PLCB1: variants seen among roughly 807,000 people sequenced by gnomAD.
The protein encoded by PLCB1 is 1-phosphatidylinositol 4,5-bisphosphate phosphodiesterase beta-1.
PLCB1 carries 46 observed loss-of-function variants against 161.8 expected under a neutral mutation model. The ratio of observed to expected loss-of-function variants is 0.28; its 90% confidence interval spans 0.22 to 0.36. PLCB1 has a LOEUF of 0.36. PLCB1 is among the 10% of genes least tolerant of loss of function. The pLI, the probability that PLCB1 is intolerant of heterozygous loss-of-function variation, is 1.00. For missense variants in PLCB1, 1,016 were observed against 1,472.5 expected (o/e 0.69, Z 5.07); for synonymous variants, 517 against 503.7 (o/e 1.03, Z -0.35).
rs1568564132 is a variant in PLCB1 at position 8,132,623 on chromosome 20, C to CG, written c.-26dup. On this transcript the variant is annotated 5_prime_UTR_variant, in exon 1 of 32. Transcript: ENST00000338037. The surrounding 1 kb of genome is among the most constrained non-coding windows in gnomAD (Gnocchi z 5.2). The stretch of plus-strand genomic sequence containing the variant: ...GTCCCCAGTCCCTGCCGCGCTCGCC[C>CG]GGGCCGCCCGGAGCCCAGATGAGCC... 3 of 1,550,316 alleles carry CG rather than the reference C, an allele frequency of 1.9e-6. No homozygotes were observed. In the South Asian group the frequency reaches 3.4e-5, roughly 18 times the overall value.
At position 8,405,999 on chromosome 20, in the gene PLCB1, G is replaced by T. The variant is rs577117379; in HGVS notation, c.246+34549G>T. On this transcript the variant is annotated intron_variant, in intron 3 of 31. Coordinates refer to ENST00000338037, the MANE Select transcript of PLCB1 (RefSeq NM_015192.4). ...ATAAATTGACAAACACTACTAATTA[G>T]GGCTTTTTTTCTTCCTTTTTTTTTT... Among the ~76,000 whole-genome samples the T allele has an allele frequency of 8.0e-5, 12 of 150,916 alleles. No homozygotes were observed. In the South Asian group the frequency reaches 2.5e-3, roughly 31 times the overall value.
intron 2 of PLCB1, among the ~76,000 whole-genome samples, chr20:8,272,040 C>T (rs1982311490): frequency 6.6e-6 from 1 of 152,060 alleles, no homozygotes; most frequent in Non-Finnish European, 1.5e-5. Flanking sequence ...TTATGCATAG[C>T]ATCACTTAGG....
intron 3 of PLCB1, among the ~76,000 whole-genome samples, chr20:8,500,688 C>T (rs1983368916): frequency 6.6e-6 from 1 of 152,094 alleles, no homozygotes; most frequent in African/African-American, 2.4e-5. Flanking sequence ...ATTTACCAAA[C>T]TCTTTCTTCT....
In PLCB1 at chr20:8,882,620, G is replaced by A. The variant is rs1988035780; in HGVS notation, c.*771G>A. On this transcript the variant is annotated 3_prime_UTR_variant, in exon 32 of 32. Coordinates refer to ENST00000338037, the MANE Select transcript of PLCB1 (RefSeq NM_015192.4). ...ATTGACTATTTGCACTCAAAGTCTG[G>A]GTATTCATTGGTTATTGGCCTGAAA... is the stretch of plus-strand genomic sequence containing the variant. The A allele has an allele frequency of 6.6e-6, 1 of 152,518 alleles. No individual in the cohort carries two copies. The highest frequency in any genetic ancestry group is 6.5e-5 in the Admixed American group (1 of 15,276). The allele number at this position is 152,518 out of a possible 1,614,324, so 9.4% of individuals were successfully genotyped here.
At chr20:8,438,559 G>T (rs1267624331) in intron 3 of PLCB1, among the ~76,000 whole-genome samples, 1 of 152,110 alleles carries the variant, frequency 6.6e-6, no homozygotes, top group African/African-American at 2.4e-5. Flanking sequence ...CTCTTACATG[G>T]CTCTTACAAC....
chr20:8,198,581 T>A (rs1171891633), intron 2 of PLCB1, among the ~76,000 whole-genome samples: 5 of 152,120 alleles, frequency 3.3e-5, no homozygotes, highest in Non-Finnish European at 5.9e-5. Context: ...GATCTTTTTT[T>A]AAAATAATCT....
intron 24 of PLCB1, among the ~76,000 whole-genome samples, chr20:8,759,816 T>A (rs1369671250): frequency 2.0e-5 from 3 of 152,044 alleles, no homozygotes; most frequent in Non-Finnish European, 2.9e-5. Context: ...AAGATGGCGA[T>A]AGCATTGCCT....
At chr20:8,348,839 G>A (rs1346907117) in intron 2 of PLCB1, among the ~76,000 whole-genome samples, 1 of 152,100 alleles carries the variant, frequency 6.6e-6, no homozygotes, top group African/African-American at 2.4e-5. Flanking sequence ...TGAAACTAGA[G>A]CAATGTCTTT....
At chr20:8,791,276 C>T (rs1188171957) in intron 31 of PLCB1, among the ~76,000 whole-genome samples, 2 of 152,148 alleles carry the variant, frequency 1.3e-5, no homozygotes, top group Admixed American at 6.6e-5. Context: ...TTACGTTTCT[C>T]CTATAAACAT....
intron 14 of PLCB1, among the ~76,000 whole-genome samples, chr20:8,719,326 T>C (rs903107399): frequency 6.6e-6 from 1 of 152,176 alleles, no homozygotes; most frequent in Admixed American, 6.5e-5. Flanking sequence ...TTGCTAAAGA[T>C]GTGTATTTAG....
intron 2 of PLCB1, among the ~76,000 whole-genome samples, chr20:8,221,403 G>A (rs1015326508): frequency 6.6e-6 from 1 of 152,076 alleles, no homozygotes; most frequent in African/African-American, 2.4e-5. Flanking sequence ...TTAAGTAACT[G>A]CAACTTTTGG....
chr20:8,627,830 C>G (rs1174265000), intron 3 of PLCB1, among the ~76,000 whole-genome samples: 1 of 152,240 alleles, frequency 6.6e-6, no homozygotes, highest in Non-Finnish European at 1.5e-5. Context: ...TGCATCAGTA[C>G]TGACTGTTGG....
At chr20:8,219,212 T>G (rs1399020053) in intron 2 of PLCB1, among the ~76,000 whole-genome samples, 1 of 152,228 alleles carries the variant, frequency 6.6e-6, no homozygotes, top group East Asian at 1.9e-4. Context: ...TATATTGAGA[T>G]GCATATGCTG....
In PLCB1 at chr20:8,132,649, C is replaced by CA; in HGVS notation, c.-2dup. The CA allele has an allele frequency of 1.2e-6, 2 of 1,609,022 alleles. No individual in the cohort carries two copies. The highest frequency in any genetic ancestry group is 1.7e-6 in the Non-Finnish European group (2 of 1,177,346). On this transcript the variant is annotated 5_prime_UTR_variant, in exon 1 of 32. Transcript: ENST00000338037. This position sits in a 1 kb window ranked among gnomAD's most constrained non-coding sequence, Gnocchi z 5.2. ...GGGCCGCCCGGAGCCCAGATGAGCC[C>CA]AGATGGCCGGGGCTCAACCCGGAGT...
At chr20:8,846,679 T>G (rs1488809062) in intron 31 of PLCB1, among the ~76,000 whole-genome samples, 1 of 152,180 alleles carries the variant, frequency 6.6e-6, no homozygotes, top group Non-Finnish European at 1.5e-5. Context: ...TCCCCTGGCT[T>G]GTATCATATT....
chr20:8,477,382 A>G (rs12481251), intron 3 of PLCB1, among the ~76,000 whole-genome samples: 38,295 of 152,060 alleles, frequency 0.25, 5,234 homozygotes, highest in Non-Finnish European at 0.31. Context: ...GGGCAGACAT[A>G]AGAACCCATC....
chr20:8,415,880 G>T (rs2122526703), intron 3 of PLCB1, among the ~76,000 whole-genome samples: 1 of 152,326 alleles, frequency 6.6e-6, no homozygotes, highest in East Asian at 1.9e-4. Context: ...TCTGCTAGTG[G>T]TCAGTTTGCC....
At chr20:8,660,585 G>A (rs932798798) in intron 9 of PLCB1, among the ~76,000 whole-genome samples, 1 of 151,998 alleles carries the variant, frequency 6.6e-6, no homozygotes, top group Non-Finnish European at 1.5e-5. Context: ...TGACTTGCAC[G>A]ATGTAGAGGG....
chr20:8,668,115 A>G (rs905697525), intron 9 of PLCB1, among the ~76,000 whole-genome samples: 2 of 151,982 alleles, frequency 1.3e-5, no homozygotes, highest in Non-Finnish European at 2.9e-5. Flanking sequence ...TACAACAGAT[A>G]AGTGGGAGGG....
Sources: gnomAD v4.1 joint callset for allele counts (sites outside exome capture counted in the v4.1 genomes callset) on GRCh38, gnomAD v4.1.1 for gene constraint, Gnocchi (gnomAD v3.1) non-coding constraint, MANE v1.5 for transcripts, NCBI Gene and HGNC (gene_info 2026-07-23, HGNC 2026-07-21) for gene names.